The following GALNT13 variants were observed in gnomAD, a reference collection of about 807,000 sequenced individuals.
GALNT13 encodes polypeptide N-acetylgalactosaminyltransferase 13, also known as UDP-GalNAc:polypeptide N-acetylgalactosaminyltransferase 13.
Under a neutral mutation model 64.2 loss-of-function variants are expected in GALNT13, and 28 were observed. The observed-to-expected ratio is 0.44, with a 90% confidence interval of 0.32 to 0.60. The LOEUF is 0.60. Among genes scored for constraint, GALNT13 ranks in the 20% least tolerant of loss-of-function variants. The pLI, the probability that GALNT13 is intolerant of heterozygous loss-of-function variation, is 0.05. For missense variants in GALNT13, 577 were observed against 669.8 expected, an observed-to-expected ratio of 0.86 and a Z score of 1.53; for synonymous variants, 214 against 224.6, an observed-to-expected ratio of 0.95 and a Z score of 0.42.
the GALNT13 span, among the ~76,000 whole-genome samples, chr2:153,625,488 T>C: frequency 6.6e-6 from 1 of 151,988 alleles, no homozygotes; most frequent in African/African-American, 2.4e-5. Context: ...GAAGAAAGAA[T>C]TGAAGCTCAA....
the GALNT13 span, among the ~76,000 whole-genome samples, chr2:153,611,711 T>A: frequency 6.9e-6 from 1 of 145,718 alleles, no homozygotes; most frequent in African/African-American, 2.6e-5. Context: ...TTTTTTACTT[T>A]AAGTTCTGGA....
chr2:154,110,930 C>A (rs1702950363), intron 3 of GALNT13, among the ~76,000 whole-genome samples: 1 of 151,936 alleles, frequency 6.6e-6, no homozygotes, highest in Non-Finnish European at 1.5e-5. Context: ...AATCCGGAAC[C>A]CAAATACTAT....
the GALNT13 span, among the ~76,000 whole-genome samples, chr2:153,815,501 G>T: frequency 6.6e-6 from 1 of 151,108 alleles, no homozygotes; most frequent in African/African-American, 2.4e-5. Flanking sequence ...ATTTCTAGAT[G>T]ATACAATTAC....
chr2:154,068,809 TAAC>T (rs1180593915), intron 3 of GALNT13, among the ~76,000 whole-genome samples: 1 of 152,062 alleles, frequency 6.6e-6, no homozygotes, highest in Non-Finnish European at 1.5e-5. Flanking sequence ...TAGTATTTGA[TAAC>T]ACAACAGGGT....
the GALNT13 span, among the ~76,000 whole-genome samples, chr2:153,501,422 C>T: frequency 6.6e-5 from 10 of 152,144 alleles, no homozygotes; most frequent in Non-Finnish European, 1.3e-4. Context: ...ACCTCCACCT[C>T]CTAGTTACAA....
chr2:153,352,159 G>T, the GALNT13 span, among the ~76,000 whole-genome samples: 1 of 152,022 alleles, frequency 6.6e-6, no homozygotes, highest in Non-Finnish European at 1.5e-5. Context: ...ATTCTAATAG[G>T]TATATAATAT....
chr2:153,213,919 C>T, the GALNT13 span, among the ~76,000 whole-genome samples: 1 of 152,152 alleles, frequency 6.6e-6, no homozygotes, highest in Non-Finnish European at 1.5e-5. Context: ...GAAGAATATA[C>T]AACCCTGTGC....
At chr2:153,147,549 T>G in the GALNT13 span, among the ~76,000 whole-genome samples, 1 of 151,470 alleles carries the variant, frequency 6.6e-6, no homozygotes, top group Non-Finnish European at 1.5e-5. Context: ...GACTTTTTTT[T>G]TTTTTTTTTG....
intron 3 of GALNT13, among the ~76,000 whole-genome samples, chr2:154,109,748 T>C (rs1385693021): frequency 2.6e-5 from 4 of 152,192 alleles, no homozygotes; most frequent in African/African-American, 9.6e-5. Flanking sequence ...TGGTTTTTGT[T>C]CTTTATTCTG....
chr2:153,403,652 C>T, the GALNT13 span, among the ~76,000 whole-genome samples: 7 of 152,172 alleles, frequency 4.6e-5, no homozygotes, highest in Non-Finnish European at 8.8e-5. Context: ...TCAAGCCGGT[C>T]GGAAAAGCAC....
intron 8 of GALNT13, among the ~76,000 whole-genome samples, chr2:154,287,637 G>T (rs1204063753): frequency 6.6e-6 from 1 of 151,654 alleles, no homozygotes; most frequent in Non-Finnish European, 1.5e-5. Flanking sequence ...TTCCTGTTTG[G>T]TGTTTTCTAA....
chr2:153,854,989 G>A, the GALNT13 span, among the ~76,000 whole-genome samples: 1 of 152,048 alleles, frequency 6.6e-6, no homozygotes, highest in Non-Finnish European at 1.5e-5. Context: ...TTCCATAAAT[G>A]AGCCAACGTG....
chr2:154,036,732 C>G (rs1031268879), intron 3 of GALNT13, among the ~76,000 whole-genome samples: 2 of 152,084 alleles, frequency 1.3e-5, no homozygotes, highest in Non-Finnish European at 2.9e-5. Context: ...TATCTGCCCT[C>G]TAATCCAATG....
At chr2:153,783,739 G>C in the GALNT13 span, among the ~76,000 whole-genome samples, 1 of 152,104 alleles carries the variant, frequency 6.6e-6, no homozygotes, top group African/African-American at 2.4e-5. Context: ...CATGAGATCT[G>C]ATGGCTTTAT....
chr2:153,725,968 A>G, the GALNT13 span, among the ~76,000 whole-genome samples: 36 of 152,208 alleles, frequency 2.4e-4, no homozygotes, highest in Admixed American at 2.4e-3. Flanking sequence ...GTTACTAGGA[A>G]ATCCATAGAG....
the GALNT13 span, among the ~76,000 whole-genome samples, chr2:153,147,911 A>T: frequency 6.6e-6 from 1 of 151,836 alleles, no homozygotes; most frequent in South Asian, 2.1e-4. Context: ...CAATGCTGTA[A>T]GTACTGGAGG....
the GALNT13 span, among the ~76,000 whole-genome samples, chr2:153,368,482 A>G: frequency 6.6e-6 from 1 of 152,168 alleles, no homozygotes; most frequent in Admixed American, 6.6e-5. Flanking sequence ...ATATTTTGTT[A>G]GAGCACCCAA....
chr2:153,391,855 T>C, the GALNT13 span, among the ~76,000 whole-genome samples: 1 of 151,554 alleles, frequency 6.6e-6, no homozygotes, highest in Non-Finnish European at 1.5e-5. Context: ...AAAACTACTT[T>C]GCAAAGGAAA....
At chr2:154,138,398 G>A (rs1683068966) in intron 3 of GALNT13, among the ~76,000 whole-genome samples, 1 of 151,918 alleles carries the variant, frequency 6.6e-6, no homozygotes, top group Middle Eastern at 3.2e-3. Context: ...GTAAACAACT[G>A]TAAACAGGGA....
Sources: gnomAD v4.1 joint callset for allele counts (sites outside exome capture counted in the v4.1 genomes callset) on GRCh38, gnomAD v4.1.1 for gene constraint, MANE v1.5 for transcripts, NCBI Gene and HGNC (gene_info 2026-07-23, HGNC 2026-07-21) for gene names.